The following SYF2 variants were observed in gnomAD, a reference collection of about 807,000 sequenced individuals.
SYF2 encodes the protein SYF2 pre-mRNA splicing factor.
Under a neutral mutation model 32.7 loss-of-function variants are expected in SYF2, and 21 were observed. The observed-to-expected ratio is 0.64, with a 90% CI of 0.45 to 0.92. The LOEUF is 0.92. Among genes scored for constraint, SYF2 ranks in the 40% least tolerant of loss-of-function variants. The pLI is 0.00. For missense variants in SYF2, 278 were observed against 296.5 expected (o/e 0.94, Z 0.46); for synonymous variants, 114 against 103.9 (o/e 1.10, Z -0.59).
intron 4 of SYF2, 100 bp from the exon 5 acceptor site, chr1:25,227,632 C>CA: frequency 9.5e-7 from 1 of 1,053,660 alleles, no homozygotes; most frequent in Non-Finnish European, 1.4e-6. Context: ...ATCTTTTATC[C>CA]AAAACGCTTG....
intron 5 of SYF2, among the ~76,000 whole-genome samples, chr1:25,226,942 A>G (rs960574317): frequency 3.3e-5 from 5 of 151,922 alleles, no homozygotes; most frequent in African/African-American, 1.2e-4. Context: ...GACAGTGTCA[A>G]TGCACTCCAG....
At chr1:25,232,344 C>G in intron 1 of SYF2, 100 bp downstream of exon 1, 3 of 1,603,570 alleles carry the variant, frequency 1.9e-6, no homozygotes, top group Middle Eastern at 3.3e-4. Flanking sequence ...AGTGTCTGAG[C>G]CTCCCTGAAG....
intron 2 of SYF2, 29 bp downstream of exon 2, chr1:25,232,075 G>T: frequency 6.2e-7 from 1 of 1,604,968 alleles, no homozygotes; most frequent in Non-Finnish European, 8.5e-7. Context: ...CCAGATGACG[G>T]ATCTAAGCCG....
intron 2 of SYF2, among the ~76,000 whole-genome samples, chr1:25,229,796 G>A (rs866600190): frequency 4.4e-4 from 65 of 149,216 alleles, no homozygotes; most frequent in Non-Finnish European, 7.4e-4. Flanking sequence ...AAAAAATTAC[G>A]TCACATGATG....
chr1:25,226,954 T>G (rs971973620), intron 5 of SYF2, among the ~76,000 whole-genome samples: 2 of 151,174 alleles, frequency 1.3e-5, no homozygotes, highest in African/African-American at 4.9e-5. Flanking sequence ...GCACTCCAGC[T>G]TAAGCAACAG....
At position 25,229,131 on chromosome 1, in the gene SYF2, C is replaced by T. The variant is rs368847914; in HGVS notation, c.133-8G>A. ...TAATTTACGAGCTTCATTCTAAAAC[C>T]GTAACACAAGAAGTCTGTCAGCTAA... On this transcript the variant is annotated splice_region_variant and splice_polypyrimidine_tract_variant and intron_variant, in intron 2 of 6. Coordinates refer to ENST00000236273, the MANE Select transcript of SYF2 (RefSeq NM_015484.5). The T allele has an allele frequency of 1.2e-5, 20 of 1,608,466 alleles. No homozygotes were observed. In the Admixed American group the frequency reaches 1.9e-4, roughly 15 times the overall value.
Position 25,225,000 on chromosome 1 carries a change from A to G in SYF2, c.566+2T>C. ...CGTCAAGCTGCTCTACTGAATACTTACTGTTTTTCCAGATCTATGACCATC... is the reference window on the plus strand; with the variant it reads ...CGTCAAGCTGCTCTACTGAATACTTGCTGTTTTTCCAGATCTATGACCATC... On this transcript the variant is annotated splice_donor_variant, in intron 6 of 6. Transcript: ENST00000236273. LOFTEE classifies it high-confidence loss of function. 6.2e-7 allele frequency: 1 copy of G among 1,606,618 alleles called. No homozygotes were observed. The highest frequency in any genetic ancestry group is 1.3e-5 in the African/African-American group (1 of 74,882).
At position 25,225,044 on chromosome 1, in the gene SYF2, G is replaced by A. The variant is rs1312308782; in HGVS notation, c.524C>T (p.Ser175Phe). The change falls in exon 6 of 7, where the codon TCC becomes TTC. Residue 175 changes from serine (S) to phenylalanine (F), a missense_variant. Physicochemically the swap from Ser to Phe is radical, Grantham distance 155. Coordinates refer to ENST00000236273, the MANE Select transcript of SYF2 (RefSeq NM_015484.5). ...NSLLHGTHVP[S>F]TEEIDRMVID... The stretch of plus-strand genomic sequence containing the variant: ...GACCATCCTGTCAATTTCCTCTGTG[G>A]AAGGCACATGTGTTCCATGAAGAAG... The A allele has an allele frequency of 6.2e-7, 1 of 1,614,050 alleles. No individual in the cohort carries two copies. Among genetic ancestry groups the A allele is most frequent in the Admixed American group, 1.7e-5 (1 of 60,010 alleles).
chr1:25,224,510 A>G (rs1638469011), intron 6 of SYF2, among the ~76,000 whole-genome samples: 1 of 152,188 alleles, frequency 6.6e-6, no homozygotes, highest in Admixed American at 6.5e-5. Context: ...CTTCTGCCTC[A>G]GCCTCCCAAA....
chr1:25,232,158 G>A lies in SYF2; in HGVS notation c.78C>T (p.Ala26=), dbSNP rs202245763. 5 of 1,613,862 alleles carry A rather than the reference G, an allele frequency of 3.1e-6. No homozygotes were observed. Among genetic ancestry groups the A allele is most frequent in the Non-Finnish European group, 3.4e-6 (4 of 1,179,994 alleles). Residue 26 remains alanine, a synonymous_variant, in exon 2 of 7, where the codon GCC becomes GCT. Coordinates refer to ENST00000236273, the MANE Select transcript of SYF2 (RefSeq NM_015484.5). ...EGSLAAAAEL[A]AQKREQRLRK... ...GCAGTCTCTGTTCGCGCTTCTGAGCGGCCAGCTCCGCCGCCGCAGCGAGGG... is the reference window on the plus strand; with the variant it reads ...GCAGTCTCTGTTCGCGCTTCTGAGCAGCCAGCTCCGCCGCCGCAGCGAGGG...
rs1029903211 is a variant in SYF2, at chr1:25,229,116, G to C, written c.140C>G (p.Ala47Gly). The change falls in exon 3 of 7, where the codon GCT (alanine) becomes GGT (glycine). Residue 47 changes from alanine (A) to glycine (G), a missense_variant. Ala to Gly is a moderately conservative substitution (Grantham distance 60, BLOSUM62 0). Transcript: ENST00000236273. ...FRELHLMRNE[A>G]RKLNHQEVVE... ...AACTTCCTGGTGATTTAATTTACGA[G>C]CTTCATTCTAAAACCGTAACACAAG... 6.2e-7 allele frequency: 1 copy of C among 1,611,320 alleles called. No homozygotes were observed. Among genetic ancestry groups the C allele is most frequent in the African/African-American group, 1.3e-5 (1 of 74,628 alleles).
chr1:25,225,538 A>AT (rs1638493022), intron 5 of SYF2, among the ~76,000 whole-genome samples: 2 of 149,902 alleles, frequency 1.3e-5, no homozygotes, highest in South Asian at 4.2e-4. Flanking sequence ...AAAAAAAAAA[A>AT]TTTTTTTTAA....
intron 5 of SYF2, among the ~76,000 whole-genome samples, chr1:25,227,083 G>A (rs753706678): frequency 2.6e-5 from 4 of 152,028 alleles, no homozygotes; most frequent in Non-Finnish European, 5.9e-5. Flanking sequence ...AGGAGTTCAA[G>A]ACCAGCCTGG....
chr1:25,228,338 T>TA (rs748389828), intron 3 of SYF2, 103 bp from the exon 4 acceptor site: 3 of 1,028,408 alleles, frequency 2.9e-6, no homozygotes, highest in Non-Finnish European at 4.3e-6. Context: ...AATACTTTAA[T>TA]AGTATTTTTT....
chr1:25,230,947 G>A (rs973831752), intron 2 of SYF2: 7 of 150,686 alleles, frequency 4.6e-5, no homozygotes, highest in Admixed American at 1.3e-4. Flanking sequence ...TCAGCCTCCC[G>A]TGTAGCCCGC....
chr1:25,230,162 G>C (rs1312560838), intron 2 of SYF2: 1 of 152,086 alleles, frequency 6.6e-6, no homozygotes, highest in Non-Finnish European at 1.5e-5. Flanking sequence ...CCTCAATTTG[G>C]GTTAGAGGAT....
rs1638441493 is a variant in SYF2 at position 25,223,214 on chromosome 1, A to G, written c.*52T>C. On this transcript the variant is annotated 3_prime_UTR_variant, in exon 7 of 7. Coordinates refer to ENST00000236273, the MANE Select transcript of SYF2 (RefSeq NM_015484.5). ...ATTTCAAAAAGAACTTGATTTTGCT[A>G]GCAGAAATTTTTACCCCATTCTCAA... is the stretch of plus-strand genomic sequence containing the variant. The G allele has an allele frequency of 2.0e-6, 3 of 1,516,328 alleles. No homozygotes were observed. In the South Asian group the frequency reaches 3.9e-5, roughly 20 times the overall value. 93.9% of individuals were successfully genotyped at this position (1,516,328 alleles called of 1,614,324 possible).
chr1:25,224,639 A>C (rs1571487218), intron 6 of SYF2, among the ~76,000 whole-genome samples: 2 of 152,378 alleles, frequency 1.3e-5, no homozygotes, highest in East Asian at 3.9e-4. Flanking sequence ...CGCCTCTATC[A>C]GTATTAAGAA....
At chr1:25,229,256 G>A in intron 2 of SYF2, 133 bp from the exon 3 acceptor site, 3 of 1,081,416 alleles carry the variant, frequency 2.8e-6, no homozygotes, top group Non-Finnish European at 3.9e-6. Context: ...GCAATAGAGA[G>A]CCATCACAGG....
Sources: gnomAD v4.1 joint callset for allele counts (sites outside exome capture counted in the v4.1 genomes callset) on GRCh38, gnomAD v4.1.1 for gene constraint, MANE v1.5 for transcripts, NCBI Gene and HGNC (gene_info 2026-07-23, HGNC 2026-07-21) for gene names.